The following PHTF1 variants were observed in gnomAD, a reference collection of about 807,000 sequenced individuals.
The protein encoded by PHTF1 is protein PHTF1.
In PHTF1, 88 loss-of-function variants were observed where a neutral mutation model predicts 102.4. The observed-to-expected ratio is 0.86, with a 90% CI of 0.72 to 1.03. The LOEUF is 1.03. Among genes scored for constraint, PHTF1 ranks in the 50% least tolerant of loss-of-function variants. The pLI, the probability that PHTF1 is intolerant of heterozygous loss-of-function variation, is 0.00. For missense variants in PHTF1, 814 were observed against 909.5 expected (o/e 0.89, Z 1.35); for synonymous variants, 289 against 305.2 (o/e 0.95, Z 0.55).
intron 5 of PHTF1, among the ~76,000 whole-genome samples, chr1:113,737,111 T>C (rs1356336008): frequency 6.6e-6 from 1 of 152,170 alleles, no homozygotes; most frequent in African/African-American, 2.4e-5. Context: ...CTGAGATAAA[T>C]ATAGTGAAAA....
chr1:113,724,611 G>T, intron 7 of PHTF1, 148 bp downstream of exon 7: 2 of 462,420 alleles, frequency 4.3e-6, no homozygotes, highest in Non-Finnish European at 3.7e-6. Context: ...AACAGACAGT[G>T]AAGACAACAT....
rs1411411916 is a variant in PHTF1 at position 113,744,668 on chromosome 1, C to T, written c.103-5869G>A. ...CATGTGATATAGCAAAATGAGGAAT[C>T]AAGAAACACATATGATCATGCCTGC... On this transcript the variant is annotated intron_variant, in intron 3 of 18. Transcript: ENST00000369604. 2.6e-5 allele frequency among the ~76,000 whole-genome samples: 4 copies of T among 152,242 alleles called. No homozygotes were observed. The East Asian group carries it at 7.7e-4, about 29-fold the overall frequency.
chr1:113,721,981 A>C (rs1653023394), intron 7 of PHTF1, among the ~76,000 whole-genome samples: 1 of 151,646 alleles, frequency 6.6e-6, no homozygotes, highest in Non-Finnish European at 1.5e-5. Flanking sequence ...GGCGTGAGCC[A>C]CTGCGCCCAG....
At chr1:113,713,256 T>C (rs760525967) in intron 8 of PHTF1, 23 bp downstream of exon 8, 4 of 1,607,386 alleles carry the variant, frequency 2.5e-6, no homozygotes, top group Non-Finnish European at 2.6e-6. Context: ...AAAAACCCCT[T>C]GTTAAATCCA....
At chr1:113,745,458 C>A (rs984922966) in intron 3 of PHTF1, among the ~76,000 whole-genome samples, 4 of 152,128 alleles carry the variant, frequency 2.6e-5, no homozygotes, top group Non-Finnish European at 4.4e-5. Flanking sequence ...CTATAAAGAG[C>A]CAGATGGCAT....
chr1:113,751,723 C>T (rs1048727277), intron 3 of PHTF1, among the ~76,000 whole-genome samples: 1 of 152,036 alleles, frequency 6.6e-6, no homozygotes, highest in African/African-American at 2.4e-5. Flanking sequence ...ATAGTAGATA[C>T]CCTAAATATA....
intron 5 of PHTF1, among the ~76,000 whole-genome samples, chr1:113,736,196 G>A (rs1655453921): frequency 6.6e-6 from 1 of 151,872 alleles, no homozygotes; most frequent in South Asian, 2.1e-4. Flanking sequence ...CAAAAAATTA[G>A]CTGGGCGTGG....
chr1:113,744,942 C>CT (rs1324269684), intron 3 of PHTF1, among the ~76,000 whole-genome samples: 2 of 127,756 alleles, frequency 1.6e-5, no homozygotes, highest in Non-Finnish European at 3.2e-5. Flanking sequence ...GAGCAAGACT[C>CT]TGTCTCGAAA....
intron 5 of PHTF1, among the ~76,000 whole-genome samples, chr1:113,729,669 G>A (rs1248062385): frequency 2.0e-5 from 3 of 152,134 alleles, no homozygotes; most frequent in Non-Finnish European, 2.9e-5. Context: ...TGGGCCCCTT[G>A]TGCCAGGCCT....
intron 3 of PHTF1, among the ~76,000 whole-genome samples, chr1:113,741,365 T>C (rs186177596): frequency 6.6e-6 from 1 of 152,234 alleles, no homozygotes; most frequent in Non-Finnish European, 1.5e-5. Context: ...TGAAGAAACA[T>C]GTACACTAAT....
intron 5 of PHTF1, among the ~76,000 whole-genome samples, chr1:113,726,917 A>G (rs1031453444): frequency 2.6e-5 from 4 of 152,226 alleles, no homozygotes; most frequent in African/African-American, 9.6e-5. Context: ...CCAAGGCTAC[A>G]CAGAAAGCAA....
chr1:113,754,148 T>A (rs1230680), intron 3 of PHTF1, among the ~76,000 whole-genome samples: 38,514 of 152,132 alleles, frequency 0.25, 5,501 homozygotes, highest in East Asian at 0.61. Context: ...GAGCGTCTCA[T>A]GCCTATAATC....
At chr1:113,732,871 G>A (rs541781442) in intron 5 of PHTF1, among the ~76,000 whole-genome samples, 4 of 152,058 alleles carry the variant, frequency 2.6e-5, no homozygotes, top group South Asian at 4.2e-4. Context: ...TTTTTTGCAC[G>A]TCAAATTAGG....
At chr1:113,713,625 T>C in intron 7 of PHTF1, 187 bp from the exon 8 acceptor site, 1 of 541,564 alleles carries the variant, frequency 1.8e-6, no homozygotes, top group Non-Finnish European at 3.2e-6. Flanking sequence ...AGACTCAGAA[T>C]GTGAGTCTAT....
intron 13 of PHTF1, 67 bp downstream of exon 13, chr1:113,705,823 C>G: frequency 2.4e-6 from 3 of 1,260,366 alleles, no homozygotes; most frequent in Non-Finnish European, 2.2e-6. Flanking sequence ...ATCAAGAGAA[C>G]AAAAGCAACT....
chr1:113,754,687 G>A (rs1306635261), intron 3 of PHTF1, among the ~76,000 whole-genome samples: 1 of 151,842 alleles, frequency 6.6e-6, no homozygotes, highest in African/African-American at 2.4e-5. Context: ...GTACTACTCT[G>A]GAAATATTCC....
chr1:113,753,758 C>T (rs1367800114), intron 3 of PHTF1, among the ~76,000 whole-genome samples: 2 of 148,566 alleles, frequency 1.3e-5, no homozygotes, highest in African/African-American at 5.0e-5. Flanking sequence ...TCTCTGTCAT[C>T]TTGACCTCCA....
chr1:113,709,335 C>A (rs1021332671), intron 11 of PHTF1, among the ~76,000 whole-genome samples: 1 of 152,074 alleles, frequency 6.6e-6, no homozygotes, highest in African/African-American at 2.4e-5. Flanking sequence ...AAATGTATAA[C>A]CTAAATCAAT....
At position 113,733,521 on chromosome 1, in the gene PHTF1, G is replaced by A. The variant is rs78450690; in HGVS notation, c.331+4589C>T. ...TCATATTGAAATCTTAATCCTTAATGTGATCGTATTAGGAGATGGGGCCTT... is the reference window on the plus strand; with the variant it reads ...TCATATTGAAATCTTAATCCTTAATATGATCGTATTAGGAGATGGGGCCTT... On this transcript the variant is annotated intron_variant, in intron 5 of 18. Coordinates refer to ENST00000369604, the MANE Select transcript of PHTF1 (RefSeq NM_001323043.2). Among the ~76,000 whole-genome samples the A allele has an allele frequency of 9.3e-3, 1,411 of 152,210 alleles. 17 individuals carry two copies. Among genetic ancestry groups the A allele is most frequent in the African/African-American group, 0.032 (1,345 of 41,520 alleles).
Sources: gnomAD v4.1 joint callset for allele counts (sites outside exome capture counted in the v4.1 genomes callset) on GRCh38, gnomAD v4.1.1 for gene constraint, MANE v1.5 for transcripts, NCBI Gene and HGNC (gene_info 2026-07-23, HGNC 2026-07-21) for gene names.